Variants in COL4A1 observed in about 807,000 individuals in gnomAD.
COL4A1 encodes the protein collagen alpha-1(IV) chain.
Under a neutral mutation model 216.6 loss-of-function variants are expected in COL4A1, and 40 were observed. The ratio of observed to expected loss-of-function variants is 0.18; its 90% CI spans 0.14 to 0.24. The LOEUF is 0.24. COL4A1 is among the 10% of genes least tolerant of loss of function. The probability of loss-of-function intolerance (pLI) is 1.00; values close to 1 mark genes in which losing one functional copy is unlikely to be tolerated. For missense variants in COL4A1, 1,628 were observed against 2,196.8 expected (o/e 0.74, Z 5.18); for synonymous variants, 839 against 810.7 (o/e 1.03, Z -0.59).
chr13:110,167,091 G>A (rs1877379522), intron 44 of COL4A1, 67 bp downstream of exon 44: 1 of 1,340,994 alleles, frequency 7.5e-7, no homozygotes, highest in African/African-American at 1.4e-5. Context: ...GGTGCCCGAG[G>A]TTAGCAAGCT....
chr13:110,229,227 C>T (rs117244330), intron 2 of COL4A1, among the ~76,000 whole-genome samples: 10 of 152,124 alleles, frequency 6.6e-5, no homozygotes, highest in African/African-American at 2.4e-4. Flanking sequence ...TACTGCATAC[C>T]AAAGTTCTTT....
In COL4A1 at chr13:110,161,314, A is replaced by G. The variant is rs761317766; in HGVS notation, c.4518T>C (p.Asn1506=). ...ATGCAAAGTTGCACACGTTGTTAAT[A>G]TTGCAGAACAGGAAGGGCATTGTGC... ...KFSTMPFLFC[N]INNVCNFASR... Residue 1506 remains asparagine, a synonymous_variant, in exon 49 of 52, where the codon AAT becomes AAC. Transcript: ENST00000375820. 1.2e-6 allele frequency: 2 copies of G among 1,614,216 alleles called. No individual in the cohort carries two copies. The highest frequency in any genetic ancestry group is 1.7e-5 in the Admixed American group (1 of 60,028).
chr13:110,231,674 G>A (rs1881070234), intron 2 of COL4A1, among the ~76,000 whole-genome samples: 1 of 152,164 alleles, frequency 6.6e-6, no homozygotes, highest in Admixed American at 6.5e-5. Context: ...GGTACAGCAG[G>A]AGCCCACAGG....
chr13:110,236,494 C>A (rs1163464150), intron 2 of COL4A1, among the ~76,000 whole-genome samples: 1 of 152,190 alleles, frequency 6.6e-6, no homozygotes, highest in Admixed American at 6.5e-5. Context: ...CCCTCTCCAG[C>A]TCTAAGTAGC....
intron 2 of COL4A1, among the ~76,000 whole-genome samples, chr13:110,232,971 G>A (rs1881134234): frequency 6.6e-6 from 1 of 152,166 alleles, no homozygotes; most frequent in South Asian, 2.1e-4. Context: ...AAACGAGAAT[G>A]TGCAGCTCAC....
At chr13:110,291,792 C>T (rs916286243) in intron 1 of COL4A1, among the ~76,000 whole-genome samples, 1 of 152,180 alleles carries the variant, frequency 6.6e-6, no homozygotes, top group Non-Finnish European at 1.5e-5. Flanking sequence ...ATCGCCAGTT[C>T]CACCATCTGC....
intron 1 of COL4A1, among the ~76,000 whole-genome samples, chr13:110,253,691 T>C (rs923996961): frequency 1.8e-5 from 2 of 113,704 alleles, no homozygotes; most frequent in African/African-American, 5.7e-5. Context: ...TACATATACA[T>C]ATAATTATAC....
chr13:110,150,342 C>T lies in COL4A1; in HGVS notation c.*21G>A. On this transcript the variant is annotated 3_prime_UTR_variant, in exon 52 of 52. Transcript: ENST00000375820. The stretch of plus-strand genomic sequence containing the variant: ...AAGAAGAAGTAGCACCATGTTGTGA[C>T]ATTAGCTGAGTCAGGCTTCATTATG... The T allele has an allele frequency of 6.2e-7, 1 of 1,610,288 alleles. No homozygotes were observed. Among genetic ancestry groups the T allele is most frequent in the South Asian group, 1.1e-5 (1 of 90,684 alleles).
At chr13:110,260,950 T>C (rs1164334566) in intron 1 of COL4A1, among the ~76,000 whole-genome samples, 1 of 136,290 alleles carries the variant, frequency 7.3e-6, no homozygotes, top group Non-Finnish European at 1.5e-5. Flanking sequence ...GGCAGGAGAA[T>C]GGCGTGAACC....
chr13:110,243,043 C>G (rs1237868499), intron 1 of COL4A1, among the ~76,000 whole-genome samples: 1 of 152,190 alleles, frequency 6.6e-6, no homozygotes, highest in Non-Finnish European at 1.5e-5. Context: ...AGTTGACTCC[C>G]TCGGGGATTA....
intron 1 of COL4A1, among the ~76,000 whole-genome samples, chr13:110,297,615 C>T (rs1884327334): frequency 6.6e-6 from 1 of 152,216 alleles, no homozygotes; most frequent in South Asian, 2.1e-4. Flanking sequence ...AAACTGATGC[C>T]TTTTGCAGTC....
chr13:110,238,170 A>G (rs564786193), intron 2 of COL4A1, among the ~76,000 whole-genome samples: 2 of 152,320 alleles, frequency 1.3e-5, no homozygotes, highest in East Asian at 1.9e-4. Flanking sequence ...CTGCTTCTCT[A>G]TATCTTTGCT....
chr13:110,157,894 T>A (rs1876862377), intron 49 of COL4A1, among the ~76,000 whole-genome samples: 1 of 152,124 alleles, frequency 6.6e-6, no homozygotes, highest in Non-Finnish European at 1.5e-5. Context: ...CTCTGAGACC[T>A]GTTTTTGGAC....
intron 1 of COL4A1, among the ~76,000 whole-genome samples, chr13:110,288,262 C>CAA (rs67261918): frequency 7.6e-5 from 11 of 144,918 alleles, no homozygotes; most frequent in African/African-American, 2.8e-4. Flanking sequence ...AACTCCCTCT[C>CAA]AAAAAAAAAA....
intron 41 of COL4A1, among the ~76,000 whole-genome samples, chr13:110,171,208 C>A (rs1288668290): frequency 2.6e-5 from 4 of 152,172 alleles, no homozygotes; most frequent in African/African-American, 9.7e-5. Flanking sequence ...AGTAGTCAGG[C>A]TGAAAAGACT....
rs75292464 is a variant in COL4A1, at chr13:110,229,718, C to T, written c.144+12957G>A. Among the ~76,000 whole-genome samples the T allele has an allele frequency of 4.7e-4, 71 of 152,336 alleles. 1 individual carries two copies. The East Asian group carries it at 6.6e-3, about 14-fold the overall frequency. On this transcript the variant is annotated intron_variant, in intron 2 of 51. Transcript: ENST00000375820. ...TGAAGAAGGGGTCCACAGCCGACCTCGAATCTGCTGGAGCCTTGATCTTGG... is the reference window on the plus strand; with the variant it reads ...TGAAGAAGGGGTCCACAGCCGACCTTGAATCTGCTGGAGCCTTGATCTTGG...
chr13:110,235,388 C>T (rs562605446), intron 2 of COL4A1, among the ~76,000 whole-genome samples: 6 of 152,260 alleles, frequency 3.9e-5, no homozygotes, highest in East Asian at 3.9e-4. Flanking sequence ...CAGTGGCTCA[C>T]GCCTGTAATC....
In COL4A1 at chr13:110,166,220, A is replaced by G. The variant is rs368432173; in HGVS notation, c.4021+12T>C. 1 of 1,559,102 alleles carries G rather than the reference A, an allele frequency of 6.4e-7. No homozygotes were observed. The highest frequency in any genetic ancestry group is 8.9e-7 in the Non-Finnish European group (1 of 1,129,688). ...ACCAGTAAGGTGTCCACAGATCAAC[A>G]AACTCTCCTACCTTTAGCTCCCGGG... is the stretch of plus-strand genomic sequence containing the variant. On this transcript the variant is annotated intron_variant, in intron 45 of 51. Transcript: ENST00000375820.
intron 1 of COL4A1, among the ~76,000 whole-genome samples, chr13:110,243,554 T>C (rs7999607): frequency 0.21 from 31,768 of 152,110 alleles, 3,975 homozygotes; most frequent in African/African-American, 0.34. Flanking sequence ...CCTGACCTCA[T>C]GTGATCCACC....
Sources: allele counts gnomAD v4.1 joint callset (sites outside exome capture counted in the v4.1 genomes callset), GRCh38; gene constraint gnomAD v4.1.1; transcripts MANE v1.5; gene names NCBI Gene and HGNC (gene_info 2026-07-23, HGNC 2026-07-21).